The following NID2 variants were observed in gnomAD, a reference collection of about 807,000 sequenced individuals.
NID2 encodes nidogen 2, also known as nidogen-2.
In NID2, 83 loss-of-function variants were observed where a neutral mutation model predicts 145.4. That is an observed-to-expected ratio of 0.57 (90% CI 0.48 to 0.69). The LOEUF (loss-of-function observed/expected upper bound fraction) is 0.69, where lower values mean the gene tolerates loss of function less well. NID2 is among the 30% of genes least tolerant of loss of function. NID2 has a pLI of 0.00. For missense variants in NID2, 1,807 were observed against 1,765.7 expected (o/e 1.02, Z -0.42); for synonymous variants, 739 against 701.3 (o/e 1.05, Z -0.85).
chr14:52,028,387 ATC>A (rs1434421424), intron 11 of NID2, among the ~76,000 whole-genome samples: 2 of 151,464 alleles, frequency 1.3e-5, no homozygotes, highest in Non-Finnish European at 2.9e-5. Flanking sequence ...CAATCCTCCT[ATC>A]TCAGCCTCCT....
chr14:52,027,996 G>A (rs1463238793), intron 11 of NID2, among the ~76,000 whole-genome samples: 1 of 152,108 alleles, frequency 6.6e-6, no homozygotes, highest in East Asian at 1.9e-4. Context: ...ATACAGAAGA[G>A]GTAATTTGTT....
intron 20 of NID2, 134 bp downstream of exon 20, chr14:52,006,403 A>G (rs1890783446): frequency 1.1e-6 from 1 of 890,634 alleles, no homozygotes; most frequent in Non-Finnish European, 1.7e-6. Flanking sequence ...CTTATCTGCC[A>G]ATGAGGAGGT....
chr14:52,027,360 G>A lies in NID2; in HGVS notation c.2531-16C>T, dbSNP rs538102907. ...GGGGTGATCACTGAAAAGAGAAGAA[G>A]ATAAGGGCATCCAGAGTTTAGGCCT... On this transcript the variant is annotated splice_polypyrimidine_tract_variant and intron_variant, in intron 11 of 21. Transcript: ENST00000216286. 9.9e-6 allele frequency: 15 copies of A among 1,514,370 alleles called. No homozygotes were observed. The East Asian group carries it at 2.1e-4, about 21-fold the overall frequency. 93.8% of individuals were successfully genotyped at this position (1,514,370 alleles called of 1,614,324 possible). A position where few individuals can be genotyped will look rare whatever the true frequency, so the allele number is the denominator to read the frequency against.
rs756108389 is a variant in NID2 at position 52,054,177 on chromosome 14, T to C, written c.912A>G (p.Thr304=). 5 of 1,614,154 alleles carry C rather than the reference T, an allele frequency of 3.1e-6. No individual in the cohort carries two copies. Among genetic ancestry groups the C allele is most frequent in the Non-Finnish European group, 3.4e-6 (4 of 1,180,022 alleles). The change falls in exon 4 of 22, where the codon ACA becomes ACG. Residue 304 remains threonine, a synonymous_variant. Transcript: ENST00000216286. ...VPLGRSFSHA[T]ALESDYNEDN... is the part of the protein sequence containing the mutation. ...CCTCATTATAGTCACTTTCCAGGGC[T>C]GTAGCATGGCTGAAGGAACGTCCCA...
intron 3 of NID2, among the ~76,000 whole-genome samples, chr14:52,057,477 T>A (rs1956271): frequency 0.69 from 104,450 of 151,910 alleles, 36,719 homozygotes; most frequent in Non-Finnish European, 0.78. Flanking sequence ...CTGAGGCAGG[T>A]GGATCACCTG....
rs1890865647 is a variant in NID2 at position 52,008,123 on chromosome 14, G to C, written c.3723-156C>G. On this transcript the variant is annotated intron_variant, in intron 18 of 21. Coordinates refer to ENST00000216286, the MANE Select transcript of NID2 (RefSeq NM_007361.4). ...CATTAGTAGTGTCTTGCTTCTTCTAGTGCATAGAGTATAGCAGAAGTGATA... is the reference window on the plus strand; with the variant it reads ...CATTAGTAGTGTCTTGCTTCTTCTACTGCATAGAGTATAGCAGAAGTGATA... 3 of 597,894 alleles carry C rather than the reference G, an allele frequency of 5.0e-6. No homozygotes were observed. The East Asian group carries it at 8.6e-5, about 17-fold the overall frequency. The allele number at this position is 597,894 out of a possible 1,614,324, so 37.0% of individuals were successfully genotyped here. A position where few individuals can be genotyped will look rare whatever the true frequency, so the allele number is the denominator to read the frequency against.
At position 52,042,300 on chromosome 14, in the gene NID2, G is replaced by T; in HGVS notation, c.1630C>A (p.His544Asn). Residue 544 changes from histidine (H) to asparagine (N), a missense_variant, in exon 7 of 22, where the codon CAT (histidine) becomes AAT (asparagine). By Grantham distance (68) the His-to-Asn change is moderately conservative. Coordinates refer to ENST00000216286, the MANE Select transcript of NID2 (RefSeq NM_007361.4). ...GKVSGHLHVG[H>N]TPVHFTDVDL... ...ACATCAGTGAAGTGCACGGGTGTAT[G>T]GCCCACGTGGAGGTGGCCACTCACT... The T allele has an allele frequency of 6.2e-7, 1 of 1,613,858 alleles. No individual in the cohort carries two copies. Among genetic ancestry groups the T allele is most frequent in the Non-Finnish European group, 8.5e-7 (1 of 1,179,770 alleles).
At chr14:52,036,990 G>A (rs1421742270) in intron 9 of NID2, among the ~76,000 whole-genome samples, 1 of 152,152 alleles carries the variant, frequency 6.6e-6, no homozygotes, top group African/African-American at 2.4e-5. Context: ...AAATTTTGAT[G>A]ACACCCAGTT....
At chr14:52,053,438 G>T in intron 5 of NID2, 141 bp downstream of exon 5, 1 of 934,830 alleles carries the variant, frequency 1.1e-6, no homozygotes, top group Non-Finnish European at 1.6e-6. Flanking sequence ...TCTATCTCTT[G>T]AAACACAGGG....
At position 52,016,799 on chromosome 14, in the gene NID2, A is replaced by G. The variant is rs146315036; in HGVS notation, c.3029-1524T>C. Among the ~76,000 whole-genome samples, 37 of 152,356 alleles carry G rather than the reference A, an allele frequency of 2.4e-4. No homozygotes were observed. In the East Asian group the frequency reaches 6.7e-3, roughly 28 times the overall value. ...CCGTTCAAAACCCTCCAGTGACTCTAAAGAACAAAGCTGGGAGCATTATGA... is the reference window on the plus strand; with the variant it reads ...CCGTTCAAAACCCTCCAGTGACTCTGAAGAACAAAGCTGGGAGCATTATGA... On this transcript the variant is annotated intron_variant, in intron 14 of 21. Transcript: ENST00000216286.
intron 1 of NID2, among the ~76,000 whole-genome samples, chr14:52,068,543 C>T (rs530056407): frequency 1.3e-5 from 2 of 152,346 alleles, no homozygotes; most frequent in Admixed American, 6.5e-5. Flanking sequence ...GCCTGGGACG[C>T]GTACGTGGCT....
rs375395579 is a variant in NID2, at chr14:52,014,264, C to G, written c.3420+23G>C. On this transcript the variant is annotated intron_variant, in intron 16 of 21. Coordinates refer to ENST00000216286, the MANE Select transcript of NID2 (RefSeq NM_007361.4). The stretch of plus-strand genomic sequence containing the variant: ...CTGGGAAAGCCACGCAGCCCTGCCC[C>G]CTACAGGAGAAATCCACTTTACATG... 9 of 1,614,084 alleles carry G rather than the reference C, an allele frequency of 5.6e-6. No homozygotes were observed. The African/African-American group carries it at 6.7e-5, about 12-fold the overall frequency.
intron 2 of NID2, among the ~76,000 whole-genome samples, chr14:52,065,829 T>C (rs1022964950): frequency 1.4e-5 from 2 of 138,068 alleles, no homozygotes; most frequent in Admixed American, 7.6e-5. Flanking sequence ...ACAAAGGACA[T>C]GAACTCATCA....
In NID2 at chr14:52,020,087, A is replaced by G. The variant is rs1424694240; in HGVS notation, c.2766T>C (p.Tyr922=). The change falls in exon 13 of 22, where the codon TAT becomes TAC. Residue 922 remains tyrosine (Y), a synonymous_variant. Transcript: ENST00000216286. The part of the protein sequence containing the change: ...GSFSCRCQPG[Y]YGDGFQCIPD... ...GTATGCACTGAAATCCATCCCCATA[A>G]TATCCGGGTTGACAACGGCAGGAGA... 10 of 1,614,096 alleles carry G rather than the reference A, an allele frequency of 6.2e-6. No individual in the cohort carries two copies. Among genetic ancestry groups the G allele is most frequent in the Non-Finnish European group, 8.5e-6 (10 of 1,179,946 alleles).
At chr14:52,021,300 C>T (rs1394105709) in intron 12 of NID2, among the ~76,000 whole-genome samples, 1 of 151,932 alleles carries the variant, frequency 6.6e-6, no homozygotes, top group Admixed American at 6.5e-5. Context: ...ACGGTGCAGC[C>T]CATGGTAGAG....
intron 14 of NID2, among the ~76,000 whole-genome samples, chr14:52,015,648 C>G (rs1014912723): frequency 2.0e-5 from 3 of 152,216 alleles, no homozygotes; most frequent in South Asian, 2.1e-4. Flanking sequence ...CCTCGGGCGC[C>G]TCTGCTGACA....
At chr14:52,017,290 C>A (rs991246091) in intron 14 of NID2, among the ~76,000 whole-genome samples, 19 of 152,190 alleles carry the variant, frequency 1.2e-4, no homozygotes, top group Admixed American at 1.3e-4. Context: ...TACTTTTCAA[C>A]CCAACCATGA....
intron 3 of NID2, among the ~76,000 whole-genome samples, chr14:52,057,554 T>G (rs538833919): frequency 2.0e-4 from 30 of 151,296 alleles, no homozygotes; most frequent in Middle Eastern, 3.4e-3. Flanking sequence ...AATACAAAAA[T>G]TAGCCGGGTG....
chr14:52,030,154 C>T (rs1891747237), intron 9 of NID2, among the ~76,000 whole-genome samples: 1 of 152,170 alleles, frequency 6.6e-6, no homozygotes, highest in African/African-American at 2.4e-5. Flanking sequence ...GGTTCTAAAT[C>T]TGTTGATCTC....
Sources: gnomAD v4.1 joint callset for allele counts (sites outside exome capture counted in the v4.1 genomes callset) on GRCh38, gnomAD v4.1.1 for gene constraint, MANE v1.5 for transcripts, NCBI Gene and HGNC (gene_info 2026-07-23, HGNC 2026-07-21) for gene names.